The following RBM28 variants were observed in gnomAD, a reference collection of about 807,000 sequenced individuals.
RBM28 encodes RNA binding motif protein 28.
RBM28 carries 78 observed loss-of-function variants against 98.3 expected under a neutral mutation model. That is an observed-to-expected ratio of 0.79 (90% CI 0.66 to 0.96). RBM28 has a LOEUF of 0.96. Ranked by LOEUF, RBM28 falls within the 40% of genes least tolerant of loss-of-function variation. The probability of loss-of-function intolerance (pLI) is 0.00; values close to 1 mark genes in which losing one functional copy is unlikely to be tolerated. For synonymous variants in RBM28, 306 were observed against 330.9 expected (o/e 0.92, Z 0.82); for missense variants, 838 against 913.0 (o/e 0.92, Z 1.06).
At position 128,315,472 on chromosome 7, in the gene RBM28, G is replaced by A. The variant is rs968806381; in HGVS notation, c.1789-452C>T. On this transcript the variant is annotated intron_variant, in intron 16 of 18. Transcript: ENST00000223073. Reference sequence around the variant, plus strand: ...ATAAATACTAAACAATTTACAACCAGTCATATCATAGACAAACTGCAGAAA... The same window carrying A: ...ATAAATACTAAACAATTTACAACCAATCATATCATAGACAAACTGCAGAAA... Among the ~76,000 whole-genome samples, 8 of 152,236 alleles carry A rather than the reference G, an allele frequency of 5.3e-5. 1 individual carries two copies. The East Asian group carries it at 9.7e-4, about 18-fold the overall frequency.
intron 8 of RBM28, 31 bp from the exon 9 acceptor site, chr7:128,333,393 A>G: frequency 6.6e-7 from 1 of 1,512,348 alleles, no homozygotes; most frequent in Non-Finnish European, 9.2e-7. Context: ...ACAAACTGAA[A>G]GAGATTAGTG....
intron 1 of RBM28, among the ~76,000 whole-genome samples, chr7:128,343,180 G>T (rs1354625170): frequency 6.6e-6 from 1 of 152,164 alleles, no homozygotes; most frequent in Non-Finnish European, 1.5e-5. Flanking sequence ...CTGAATAAAT[G>T]AATGAACAAG....
In RBM28 at chr7:128,339,334, AG is replaced by A. The variant is rs770226136; in HGVS notation, c.278-14del. ...CACTCTGAGTTTTCTAAAAAATAAG[AG>A]GTAATGGAATAAGTACTCGAAAATC... On this transcript the variant is annotated splice_polypyrimidine_tract_variant and intron_variant, in intron 2 of 18. Transcript: ENST00000223073. 1 of 1,584,272 alleles carries A rather than the reference AG, an allele frequency of 6.3e-7. No homozygotes were observed. The highest frequency in any genetic ancestry group is 1.7e-5 in the Admixed American group (1 of 59,552).
Position 128,321,336 on chromosome 7 carries a change from A to C in RBM28, c.1493T>G (p.Val498Gly). Residue 498 changes from valine (V) to glycine (G), a missense_variant, in exon 14 of 19, where the codon GTA (valine) becomes GGA (glycine). By Grantham distance (109) the Val-to-Gly change is moderately radical. Coordinates refer to ENST00000223073, the MANE Select transcript of RBM28 (RefSeq NM_018077.3). ...CAGCTTTCTGAGCTGTTTGTCATCTACAGCCTTTGGGAGATTGTGCAGGCA... is the reference window on the plus strand; with the variant it reads ...CAGCTTTCTGAGCTGTTTGTCATCTCCAGCCTTTGGGAGATTGTGCAGGCA... ...RLCLHNLPKA[V>G]DDKQLRKLLL... 6.2e-7 allele frequency: 1 copy of C among 1,614,200 alleles called. No homozygotes were observed. The highest frequency in any genetic ancestry group is 8.5e-7 in the Non-Finnish European group (1 of 1,180,022).
chr7:128,321,220 C>T, intron 14 of RBM28, 46 bp downstream of exon 14: 1 of 1,611,754 alleles, frequency 6.2e-7, no homozygotes, highest in Non-Finnish European at 8.5e-7. Context: ...TTGATCTGAC[C>T]CAAGATCAGA....
chr7:128,323,014 G>T (rs1796269403), intron 13 of RBM28, among the ~76,000 whole-genome samples: 1 of 152,016 alleles, frequency 6.6e-6, no homozygotes. Flanking sequence ...AAGCAGCAAA[G>T]GAATATGAGT....
intron 14 of RBM28, among the ~76,000 whole-genome samples, 170 bp from the exon 15 acceptor site, chr7:128,318,276 G>A (rs949950032): frequency 2.0e-5 from 3 of 152,124 alleles, no homozygotes; most frequent in African/African-American, 7.2e-5. Context: ...CTTGAGGCCA[G>A]GAGTTTGAGA....
At position 128,307,086 on chromosome 7, in the gene RBM28, G is replaced by A. The variant is rs1795881740; in HGVS notation, c.*3711C>T. The A allele has an allele frequency of 6.6e-6, 1 of 152,276 alleles. No individual in the cohort carries two copies. Among genetic ancestry groups the A allele is most frequent in the African/African-American group, 2.4e-5 (1 of 41,470 alleles). The allele number at this position is 152,276 out of a possible 1,614,324, so 9.4% of individuals were successfully genotyped here. A position where few individuals can be genotyped will look rare whatever the true frequency, so the allele number is the denominator to read the frequency against. ...TTAAAGTGCCAATTAAGGCTGAGTT[G>A]AAAAGGAGCTGGGCATCATCAAACT... On this transcript the variant is annotated 3_prime_UTR_variant, in exon 19 of 19. Coordinates refer to ENST00000223073, the MANE Select transcript of RBM28 (RefSeq NM_018077.3).
In RBM28 at chr7:128,337,213, GA is replaced by G. The variant is rs777237751; in HGVS notation, c.542-12del. ...CAGCCACTGTCCGGCCTGTCAAGCA[GA>G]AAAGTGGCATCAGAAAGGCTCTCCT... On this transcript the variant is annotated splice_polypyrimidine_tract_variant and intron_variant, in intron 5 of 18. Transcript: ENST00000223073. 1 of 1,614,030 alleles carries G rather than the reference GA, an allele frequency of 6.2e-7. No homozygotes were observed. Among genetic ancestry groups the G allele is most frequent in the Non-Finnish European group, 8.5e-7 (1 of 1,179,960 alleles).
chr7:128,316,463 C>A (rs1056251336), intron 16 of RBM28, among the ~76,000 whole-genome samples: 5 of 152,228 alleles, frequency 3.3e-5, no homozygotes, highest in Admixed American at 1.3e-4. Flanking sequence ...GTAATCCCAG[C>A]ACTTTGGGAG....
In RBM28 at chr7:128,310,643, T is replaced by G; in HGVS notation, c.*154A>C. The stretch of plus-strand genomic sequence containing the variant: ...CCACACATCAAAGGATGGACCAAAG[T>G]TCAGATGTACACAGTCCAGGGCACC... On this transcript the variant is annotated 3_prime_UTR_variant, in exon 19 of 19. Coordinates refer to ENST00000223073, the MANE Select transcript of RBM28 (RefSeq NM_018077.3). The G allele has an allele frequency of 1.1e-6, 1 of 929,028 alleles. No homozygotes were observed. The highest frequency in any genetic ancestry group is 1.7e-6 in the Non-Finnish European group (1 of 590,836). The allele number at this position is 929,028 out of a possible 1,614,324, so 57.5% of individuals were successfully genotyped here.
At chr7:128,326,527 C>G (rs1426762584) in intron 10 of RBM28, among the ~76,000 whole-genome samples, 1 of 152,120 alleles carries the variant, frequency 6.6e-6, no homozygotes, top group African/African-American at 2.4e-5. Context: ...CTACAACATT[C>G]AGTATAACAA....
At chr7:128,330,779 T>C (rs1370121782) in intron 10 of RBM28, 40 bp downstream of exon 10, 1 of 1,424,848 alleles carries the variant, frequency 7.0e-7, no homozygotes, top group Non-Finnish European at 9.9e-7. Flanking sequence ...ACGGCAGTGG[T>C]CTCAACCCTT....
At chr7:128,327,719 C>T (rs146048977) in intron 10 of RBM28, among the ~76,000 whole-genome samples, 14,572 of 152,038 alleles carry the variant, frequency 0.096, 981 homozygotes, top group Non-Finnish European at 0.14. Context: ...AAGCTGGTCT[C>T]GAACTCCCAA....
rs1437563669 is a variant in RBM28, at chr7:128,330,874, A to G, written c.1074T>C (p.Phe358=). ...EEELGELLQQ[F]GELKYVRIVL... is the part of the protein sequence containing the mutation. Reference sequence around the variant, plus strand: ...CAATGCGGACATATTTGAGTTCTCCAAACTGTTGGAGAAGCTCCCCAAGTT... The same window carrying G: ...CAATGCGGACATATTTGAGTTCTCCGAACTGTTGGAGAAGCTCCCCAAGTT... The change falls in exon 10 of 19, where the codon TTT becomes TTC. Residue 358 remains phenylalanine, a synonymous_variant. Coordinates refer to ENST00000223073, the MANE Select transcript of RBM28 (RefSeq NM_018077.3). The G allele has an allele frequency of 2.5e-6, 4 of 1,614,162 alleles. No individual in the cohort carries two copies. In the Admixed American group the frequency reaches 6.7e-5, roughly 27 times the overall value.
In RBM28 at chr7:128,309,485, T is replaced by C. The variant is rs1008307352; in HGVS notation, c.*1312A>G. ...CCATCTCTACTAAAAATACAAAATTTAGCCAAGAATGGTGGCGTGCACCTG... is the reference window on the plus strand; with the variant it reads ...CCATCTCTACTAAAAATACAAAATTCAGCCAAGAATGGTGGCGTGCACCTG... On this transcript the variant is annotated 3_prime_UTR_variant, in exon 19 of 19. Coordinates refer to ENST00000223073, the MANE Select transcript of RBM28 (RefSeq NM_018077.3). 1.3e-5 allele frequency: 2 copies of C among 151,792 alleles called. No individual in the cohort carries two copies. Among genetic ancestry groups the C allele is most frequent in the Admixed American group, 6.6e-5 (1 of 15,246 alleles). The allele number at this position is 151,792 out of a possible 1,614,324, so 9.4% of individuals were successfully genotyped here.
intron 10 of RBM28, among the ~76,000 whole-genome samples, chr7:128,330,396 G>A (rs563877493): frequency 2.8e-3 from 90 of 31,816 alleles, no homozygotes; most frequent in African/African-American, 5.6e-3. Context: ...TTTTTTTTTC[G>A]TGGAAACAAG....
rs1795797684 is a variant in RBM28 at position 128,302,670 on chromosome 7, G to A, written c.*8127C>T. ...AGTACATTTGGCTTGTGGTAGATCA[G>A]GAGAGAGAAAGAAAGAAAAAACAAC... is the stretch of plus-strand genomic sequence containing the variant. On this transcript the variant is annotated 3_prime_UTR_variant, in exon 19 of 19. Transcript: ENST00000223073. The A allele has an allele frequency of 6.6e-6, 1 of 152,120 alleles. No homozygotes were observed. Among genetic ancestry groups the A allele is most frequent in the Non-Finnish European group, 1.5e-5 (1 of 68,042 alleles). 9.4% of individuals were successfully genotyped at this position (152,120 alleles called of 1,614,324 possible).
intron 14 of RBM28, among the ~76,000 whole-genome samples, chr7:128,320,416 A>AAAAAAGAAAG (rs1554401238): frequency 6.7e-6 from 1 of 148,204 alleles, no homozygotes; most frequent in Non-Finnish European, 1.5e-5. Context: ...TAAAAAAAAA[A>AAAAAAGAAAG]AAAGAAAGGA....
Sources: allele counts gnomAD v4.1 joint callset (sites outside exome capture counted in the v4.1 genomes callset), GRCh38; gene constraint gnomAD v4.1.1; transcripts MANE v1.5; gene names NCBI Gene and HGNC (gene_info 2026-07-23, HGNC 2026-07-21).